The following CSMD1 variants were observed in gnomAD, a reference collection of about 807,000 sequenced individuals.
The protein encoded by CSMD1 is CUB and Sushi multiple domains 1.
A neutral mutation model predicts 417.5 loss-of-function variants in CSMD1; 213 were observed. The ratio of observed to expected loss-of-function variants is 0.51; its 90% CI spans 0.46 to 0.57. CSMD1 has a LOEUF of 0.57. Ranked by LOEUF, CSMD1 falls within the 20% of genes least tolerant of loss-of-function variation. The pLI, the probability that CSMD1 is intolerant of heterozygous loss-of-function variation, is 0.00. For synonymous variants in CSMD1, 2,862 were observed against 1,736.8 expected (o/e 1.65, Z -16.11); for missense variants, 6,923 against 4,529.7 (o/e 1.53, Z -15.17).
At chr8:4,150,891 G>GTAATAAATTAC (rs1796537532) in intron 3 of CSMD1, among the ~76,000 whole-genome samples, 1 of 152,138 alleles carries the variant, frequency 6.6e-6, no homozygotes, top group Non-Finnish European at 1.5e-5. Flanking sequence ...AGAAACGCCT[G>GTAATAAATTAC]AGAAAGAGCA....
intron 5 of CSMD1, among the ~76,000 whole-genome samples, chr8:3,808,890 G>T (rs1198699040): frequency 6.6e-6 from 1 of 152,166 alleles, no homozygotes; most frequent in Non-Finnish European, 1.5e-5. Flanking sequence ...GTCATATCAG[G>T]GATTTTAAAC....
intron 23 of CSMD1, among the ~76,000 whole-genome samples, chr8:3,326,440 G>C (rs1806537991): frequency 6.6e-6 from 1 of 152,158 alleles, no homozygotes; most frequent in African/African-American, 2.4e-5. Flanking sequence ...GAAGGTATGA[G>C]GTGTTTCGGT....
At chr8:3,068,196 T>C (rs1813075936) in intron 49 of CSMD1, among the ~76,000 whole-genome samples, 1 of 152,220 alleles carries the variant, frequency 6.6e-6, no homozygotes, top group South Asian at 2.1e-4. Context: ...AATTTTCTTC[T>C]TGTCATTTCT....
At chr8:3,628,568 C>A (rs76517239) in intron 7 of CSMD1, among the ~76,000 whole-genome samples, 7 of 152,162 alleles carry the variant, frequency 4.6e-5, no homozygotes, top group Non-Finnish European at 8.8e-5. Context: ...CACTGGGCCA[C>A]GGCAGCCACT....
At position 3,096,866 on chromosome 8, in the gene CSMD1, G is replaced by T. The variant is rs1281624853; in HGVS notation, c.7121C>A (p.Ala2374Glu). 6.4e-7 allele frequency: 1 copy of T among 1,553,780 alleles called. No homozygotes were observed. Among genetic ancestry groups the T allele is most frequent in the Non-Finnish European group, 8.7e-7 (1 of 1,147,430 alleles). ...AAACTTACCATCAAACACTTCCAGTGCATCAAACTGCTTTTCACTTTGAAA... is the reference window on the plus strand; with the variant it reads ...AAACTTACCATCAAACACTTCCAGTTCATCAAACTGCTTTTCACTTTGAAA... ...DTFQSEKQFD[A>E]LEVFDGSSGQ... The change falls in exon 47 of 70, where the codon GCA (alanine) becomes GAA (glutamate). Residue 2374 changes from alanine (A) to glutamate (E), a missense_variant. Ala to Glu is a moderately radical substitution (Grantham distance 107). Transcript: ENST00000635120.
chr8:4,276,184 C>T (rs1368901865), intron 3 of CSMD1, among the ~76,000 whole-genome samples: 1 of 152,112 alleles, frequency 6.6e-6, no homozygotes, highest in Non-Finnish European at 1.5e-5. Flanking sequence ...ATGCTTATTG[C>T]AGCACTGTTC....
At chr8:4,396,063 T>C (rs1181500379) in intron 3 of CSMD1, among the ~76,000 whole-genome samples, 6 of 152,234 alleles carry the variant, frequency 3.9e-5, no homozygotes, top group Non-Finnish European at 5.9e-5. Context: ...TTGGCATGCA[T>C]CACCCATTTC....
chr8:3,075,152 G>T (rs1490478729), intron 49 of CSMD1, among the ~76,000 whole-genome samples: 1 of 152,098 alleles, frequency 6.6e-6, no homozygotes, highest in Non-Finnish European at 1.5e-5. Context: ...GAAGTTTCCT[G>T]AGGCCTCCCC....
chr8:3,555,479 G>C lies in CSMD1; in HGVS notation c.1344+19466C>G, dbSNP rs1044970048. Among the ~76,000 whole-genome samples the C allele has an allele frequency of 5.3e-5, 8 of 152,132 alleles. No homozygotes were observed. The East Asian group carries it at 7.7e-4, about 15-fold the overall frequency. On this transcript the variant is annotated intron_variant, in intron 10 of 69. Transcript: ENST00000635120. ...CAGGTCAGAAGGTGGAGGTGAAGTG[G>C]GATGCTGACAGGTTTAAATTCTATG...
intron 1 of CSMD1, among the ~76,000 whole-genome samples, chr8:4,825,287 G>T (rs915281229): frequency 6.6e-6 from 1 of 152,022 alleles, no homozygotes; most frequent in Non-Finnish European, 1.5e-5. Flanking sequence ...CCCACTCAAG[G>T]ATATAAACAA....
At chr8:4,008,601 T>C (rs2954639) in intron 4 of CSMD1, among the ~76,000 whole-genome samples, 1 of 45,550 alleles carries the variant, frequency 2.2e-5, no homozygotes. Flanking sequence ...TCTTTTTTTC[T>C]TTTTTTTTTT....
At position 4,533,510 on chromosome 8, in the gene CSMD1, G is replaced by T. The variant is rs551160695; in HGVS notation, c.302+103832C>A. Among the ~76,000 whole-genome samples the T allele has an allele frequency of 2.6e-5, 4 of 152,272 alleles. No individual in the cohort carries two copies. The East Asian group carries it at 5.8e-4, about 22-fold the overall frequency. ...TGGAGTTTATCAACCCACTCTTGAA[G>T]AACATAGTACAGACCTTTTGGGAAC... On this transcript the variant is annotated intron_variant, in intron 2 of 69. Coordinates refer to ENST00000635120, the MANE Select transcript of CSMD1 (RefSeq NM_033225.6).
intron 1 of CSMD1, among the ~76,000 whole-genome samples, chr8:4,674,692 T>C (rs1198140651): frequency 6.6e-6 from 1 of 152,042 alleles, no homozygotes; most frequent in Admixed American, 6.6e-5. Context: ...AACCCTAATA[T>C]ATGGAATGTA....
At chr8:3,265,190 A>G (rs961553016) in intron 26 of CSMD1, among the ~76,000 whole-genome samples, 5 of 152,234 alleles carry the variant, frequency 3.3e-5, no homozygotes, top group African/African-American at 1.2e-4. Flanking sequence ...ATAACTAAAA[A>G]ATAAGAATCA....
intron 25 of CSMD1, among the ~76,000 whole-genome samples, chr8:3,294,047 C>T (rs1242890983): frequency 6.6e-6 from 1 of 152,146 alleles, no homozygotes; most frequent in African/African-American, 2.4e-5. Context: ...TTCTAACAGT[C>T]AGGACCCTCA....
rs1222661094 is a variant in CSMD1, at chr8:3,118,464, T to TG, written c.6364dup (p.His2122ProfsTer22). 6.2e-7 allele frequency: 1 copy of TG among 1,613,930 alleles called. No individual in the cohort carries two copies. Among genetic ancestry groups the TG allele is most frequent in the South Asian group, 1.1e-5 (1 of 91,072 alleles). ...CCCATGCTGACAAGTGAGGACAGGATGGCCTATTAGAATGTACCCAGGATA... is the reference window on the plus strand; with the variant it reads ...CCCATGCTGACAAGTGAGGACAGGATGGGCCTATTAGAATGTACCCAGGATA... On this transcript the variant is annotated frameshift_variant, in exon 42 of 70. Transcript: ENST00000635120. LOFTEE classifies it high-confidence loss of function.
intron 3 of CSMD1, among the ~76,000 whole-genome samples, chr8:4,103,734 T>C (rs1193703527): frequency 1.3e-5 from 2 of 152,192 alleles, no homozygotes; most frequent in East Asian, 1.9e-4. Flanking sequence ...ATCCAAGACT[T>C]GATAGTAGGA....
intron 7 of CSMD1, among the ~76,000 whole-genome samples, chr8:3,679,428 G>A (rs952117789): frequency 3.3e-5 from 5 of 152,112 alleles, no homozygotes; most frequent in Admixed American, 6.5e-5. Flanking sequence ...AAGATCAAAA[G>A]AGACAAAGAA....
At chr8:4,066,241 C>A (rs1010021175) in intron 3 of CSMD1, among the ~76,000 whole-genome samples, 1 of 152,206 alleles carries the variant, frequency 6.6e-6, no homozygotes, top group Non-Finnish European at 1.5e-5. Context: ...CCTTCTTTGT[C>A]TCCTGTTCCC....
Sources: gnomAD v4.1 joint callset for allele counts (sites outside exome capture counted in the v4.1 genomes callset) on GRCh38, gnomAD v4.1.1 for gene constraint, MANE v1.5 for transcripts, NCBI Gene and HGNC (gene_info 2026-07-23, HGNC 2026-07-21) for gene names.